BRINP3: variants seen among roughly 807,000 people sequenced by gnomAD.
The protein encoded by BRINP3 is BMP/retinoic acid-inducible neural-specific protein 3.
In BRINP3, 19 loss-of-function variants were observed where a neutral mutation model predicts 71.0. The ratio of observed to expected loss-of-function variants is 0.27; its 90% CI spans 0.19 to 0.39. The LOEUF (loss-of-function observed/expected upper bound fraction) is 0.39, where lower values mean the gene tolerates loss of function less well. BRINP3 is among the 10% of genes least tolerant of loss of function. The probability of loss-of-function intolerance (pLI) is 1.00; values close to 1 mark genes in which losing one functional copy is unlikely to be tolerated. For synonymous variants in BRINP3, 380 were observed against 337.7 expected (o/e 1.13, Z -1.37); for missense variants, 959 against 940.8 (o/e 1.02, Z -0.25).
chr1:190,324,129 C>T (rs1306424442), intron 2 of BRINP3, among the ~76,000 whole-genome samples: 5 of 151,970 alleles, frequency 3.3e-5, no homozygotes, highest in Non-Finnish European at 7.4e-5. Flanking sequence ...TCCAGTCAAA[C>T]CATGGTCTTA....
At chr1:190,208,118 TTTTTTTTA>T (rs1558066402) in intron 6 of BRINP3, among the ~76,000 whole-genome samples, 1 of 151,778 alleles carries the variant, frequency 6.6e-6, no homozygotes, top group African/African-American at 2.4e-5. Context: ...TGGTTAATTT[TTTTTTTTA>T]TTTTTTTTAT....
intron 2 of BRINP3, among the ~76,000 whole-genome samples, chr1:190,424,795 GA>G (rs1189839846): frequency 6.6e-6 from 1 of 151,642 alleles, no homozygotes; most frequent in Admixed American, 6.6e-5. Context: ...AGAAGTCTCT[GA>G]AATATTACCT....
intron 7 of BRINP3, among the ~76,000 whole-genome samples, chr1:190,119,618 A>G (rs1455544038): frequency 6.6e-6 from 1 of 152,144 alleles, no homozygotes; most frequent in African/African-American, 2.4e-5. Context: ...CCTATTGTCA[A>G]TAAGTTTCAC....
intron 2 of BRINP3, among the ~76,000 whole-genome samples, chr1:190,411,566 A>G (rs961557151): frequency 1.3e-5 from 2 of 152,182 alleles, no homozygotes; most frequent in East Asian, 3.9e-4. Context: ...ATATCTAGTA[A>G]ATTGAATTTT....
At chr1:190,287,731 C>T (rs1376893587) in intron 2 of BRINP3, among the ~76,000 whole-genome samples, 1 of 152,070 alleles carries the variant, frequency 6.6e-6, no homozygotes, top group African/African-American at 2.4e-5. Flanking sequence ...TTAATTGTAG[C>T]TGTAACCTCA....
At position 190,098,034 on chromosome 1, in the gene BRINP3, G is replaced by A. The variant is rs1651349505; in HGVS notation, c.2285C>T (p.Thr762Ile). 22 of 1,606,048 alleles carry A rather than the reference G, an allele frequency of 1.4e-5. No homozygotes were observed. Among genetic ancestry groups the A allele is most frequent in the East Asian group, 2.2e-5 (1 of 44,768 alleles). The part of the protein sequence containing the change: ...KLPNTMDYDT[T>I]KLCS ...CATTTATGGTTAACTACATAATTTG[G>A]TCGTGTCATAATCCATTGTGTTTGG... The change falls in exon 8 of 8, where the codon ACC becomes ATC. Residue 762 changes from threonine to isoleucine, a missense_variant. Thr to Ile is a moderately conservative substitution (Grantham distance 89). Coordinates refer to ENST00000367462, the MANE Select transcript of BRINP3 (RefSeq NM_199051.3).
At chr1:190,430,171 G>A (rs1674000879) in intron 2 of BRINP3, among the ~76,000 whole-genome samples, 1 of 152,060 alleles carries the variant, frequency 6.6e-6, no homozygotes, top group Non-Finnish European at 1.5e-5. Flanking sequence ...ACTTTTACCA[G>A]AGGTTAGGTG....
At chr1:190,160,566 A>C in intron 7 of BRINP3, 102 bp downstream of exon 7, 2 of 856,698 alleles carry the variant, frequency 2.3e-6, no homozygotes, top group South Asian at 1.8e-5. Context: ...AGTATAAATT[A>C]GATCATGATT....
intron 6 of BRINP3, among the ~76,000 whole-genome samples, chr1:190,197,785 C>A (rs1054945634): frequency 2.0e-5 from 3 of 152,144 alleles, no homozygotes; most frequent in African/African-American, 7.2e-5. Context: ...GTGCAGAGGG[C>A]AAGCTGTTGG....
intron 2 of BRINP3, among the ~76,000 whole-genome samples, chr1:190,367,107 C>A (rs970894738): frequency 3.3e-5 from 5 of 152,152 alleles, no homozygotes; most frequent in African/African-American, 9.7e-5. Context: ...GGGGCTCCAA[C>A]CTCACATTTC....
chr1:190,377,548 A>AATATAT (rs150192290), intron 2 of BRINP3, among the ~76,000 whole-genome samples: 8 of 146,104 alleles, frequency 5.5e-5, no homozygotes, highest in East Asian at 2.0e-4. Flanking sequence ...CAGAGGAAAT[A>AATATAT]ATATATATAT....
chr1:190,164,781 G>A (rs1013661339), intron 6 of BRINP3, among the ~76,000 whole-genome samples: 1 of 150,902 alleles, frequency 6.6e-6, no homozygotes. Context: ...TTGTAGACAT[G>A]GGGTCTTACC....
intron 2 of BRINP3, among the ~76,000 whole-genome samples, chr1:190,384,084 G>A (rs755627023): frequency 5.3e-5 from 8 of 151,188 alleles, no homozygotes; most frequent in Non-Finnish European, 1.0e-4. Context: ...TTTGTCATAT[G>A]GTTTCATATA....
At chr1:190,323,248 G>C (rs1015652107) in intron 2 of BRINP3, among the ~76,000 whole-genome samples, 1 of 151,962 alleles carries the variant, frequency 6.6e-6, no homozygotes, top group East Asian at 1.9e-4. Context: ...ATGTTAAGTT[G>C]TCAAATTTTT....
intron 6 of BRINP3, among the ~76,000 whole-genome samples, chr1:190,188,422 T>A (rs1388922751): frequency 1.3e-5 from 2 of 152,074 alleles, no homozygotes; most frequent in Admixed American, 6.6e-5. Flanking sequence ...GTTGCAAGAG[T>A]CTTTTTGTCT....
chr1:190,380,486 A>C (rs1166810753), intron 2 of BRINP3, among the ~76,000 whole-genome samples: 1 of 152,162 alleles, frequency 6.6e-6, no homozygotes, highest in Non-Finnish European at 1.5e-5. Flanking sequence ...GGAGAAACAA[A>C]TTTTCTACAT....
chr1:190,184,665 CG>C (rs1558043880), intron 6 of BRINP3, among the ~76,000 whole-genome samples: 2 of 152,024 alleles, frequency 1.3e-5, no homozygotes, highest in African/African-American at 2.4e-5. Context: ...CACGTATAGA[CG>C]TATAGTGTGA....
chr1:190,240,233 A>T (rs994387931), intron 4 of BRINP3, among the ~76,000 whole-genome samples: 4 of 152,056 alleles, frequency 2.6e-5, no homozygotes, highest in Admixed American at 2.0e-4. Context: ...ATGAATAAAT[A>T]AGCAAGTTAT....
At chr1:190,284,085 C>T (rs1277500368) in intron 2 of BRINP3, among the ~76,000 whole-genome samples, 6 of 151,858 alleles carry the variant, frequency 4.0e-5, no homozygotes, top group East Asian at 1.9e-4. Flanking sequence ...GAAAGATTTT[C>T]GATACATGAC....
Sources: gnomAD v4.1 joint callset for allele counts (sites outside exome capture counted in the v4.1 genomes callset) on GRCh38, gnomAD v4.1.1 for gene constraint, MANE v1.5 for transcripts, NCBI Gene and HGNC (gene_info 2026-07-23, HGNC 2026-07-21) for gene names.